The following DARS1 variants were observed in gnomAD, a reference collection of about 807,000 sequenced individuals.
DARS1 encodes the protein aspartate--tRNA ligase, cytoplasmic.
A neutral mutation model predicts 68.8 loss-of-function variants in DARS1; 51 were observed. That is an observed-to-expected ratio of 0.74 (90% CI 0.59 to 0.94). DARS1 has a LOEUF of 0.94. DARS1 is among the 40% of genes least tolerant of loss of function. The probability of loss-of-function intolerance (pLI) is 0.00; values close to 1 mark genes in which losing one functional copy is unlikely to be tolerated. For missense variants in DARS1, 607 were observed against 597.3 expected, an observed-to-expected ratio of 1.02 and a Z score of -0.17; for synonymous variants, 203 against 190.4, an observed-to-expected ratio of 1.07 and a Z score of -0.55.
chr2:135,983,423 GA>G lies in DARS1; in HGVS notation c.97del (p.Ser33GlnfsTer2). On this transcript the variant is annotated frameshift_variant, in exon 2 of 16. Transcript: ENST00000264161. LOFTEE classifies it high-confidence loss of function. The stretch of plus-strand genomic sequence containing the variant: ...TGGTTTTTCTTGTGATTGTATCATT[GA>G]AGATATTCCATATCTCTCTTTAGCA... ...DYAKERYGIS[S>X]MIQSQEKPDR... The G allele has an allele frequency of 8.1e-7, 1 of 1,239,916 alleles. No homozygotes were observed. The highest frequency in any genetic ancestry group is 1.2e-6 in the Non-Finnish European group (1 of 846,168). 76.8% of individuals were successfully genotyped at this position (1,239,916 alleles called of 1,614,324 possible).
intron 5 of DARS1, among the ~76,000 whole-genome samples, chr2:135,939,860 T>C (rs1289617244): frequency 2.0e-5 from 3 of 152,050 alleles, no homozygotes; most frequent in Non-Finnish European, 2.9e-5. Context: ...CAAACTACCA[T>C]CAGAGAATAC....
chr2:135,911,797 T>C (rs141001160), intron 13 of DARS1, among the ~76,000 whole-genome samples: 7 of 152,206 alleles, frequency 4.6e-5, no homozygotes, highest in African/African-American at 1.7e-4. Context: ...AGAATGATAT[T>C]ATTTTGGGGT....
At chr2:135,925,399 A>G (rs537290151) in intron 7 of DARS1, among the ~76,000 whole-genome samples, 158 of 152,350 alleles carry the variant, frequency 1.0e-3, no homozygotes, top group African/African-American at 3.7e-3. Context: ...GTGTCTTCTT[A>G]GTCTCATTAC....
rs745937544 is a variant in DARS1, at chr2:135,922,827, C to T, written c.768G>A (p.Met256Ile). The change falls in exon 9 of 16, where the codon ATG (methionine) becomes ATA (isoleucine). Residue 256 changes from methionine to isoleucine, a missense_variant. Transcript: ENST00000264161. The stretch of plus-strand genomic sequence containing the variant: ...CCTTCTCAAAATCAGCACAAATGCA[C>T]ATTTGCTTATATAGCTGTGGGGACT... ...LAQSPQLYKQ[M>I]CICADFEKVF... The T allele has an allele frequency of 8.8e-6, 14 of 1,589,254 alleles. No homozygotes were observed. Among genetic ancestry groups the T allele is most frequent in the African/African-American group, 1.4e-5 (1 of 73,690 alleles).
chr2:135,973,580 C>T (rs987261155), intron 3 of DARS1, among the ~76,000 whole-genome samples: 1 of 151,858 alleles, frequency 6.6e-6, no homozygotes, highest in Non-Finnish European at 1.5e-5. Context: ...GACTGGGTGT[C>T]GTGGTGGCTC....
rs372676148 is a variant in DARS1 at position 135,964,840 on chromosome 2, CAAA to C, written c.218-3345_218-3343del. Among the ~76,000 whole-genome samples, 113 of 49,626 alleles carry C rather than the reference CAAA, an allele frequency of 2.3e-3. 1 individual carries two copies. The highest frequency in any genetic ancestry group is 8.1e-3 in the African/African-American group (106 of 13,024). The allele number at this position is 49,626 out of a possible 152,430, so 32.6% of individuals were successfully genotyped here. A position where few individuals can be genotyped will look rare whatever the true frequency, so the allele number is the denominator to read the frequency against. ...TGGGTAACAGAGCAAGACTCCACCT[CAAA>C]AAAAAAAAAAAAAAAAAAAAGAAGT... On this transcript the variant is annotated intron_variant, in intron 3 of 15. Transcript: ENST00000264161.
At chr2:135,913,088 T>G (rs992277352) in intron 12 of DARS1, among the ~76,000 whole-genome samples, 4 of 151,888 alleles carry the variant, frequency 2.6e-5, no homozygotes, top group Non-Finnish European at 5.9e-5. Context: ...CTTTCTAATT[T>G]CTCCCCCATT....
intron 4 of DARS1, among the ~76,000 whole-genome samples, chr2:135,955,622 A>T (rs1264960270): frequency 6.7e-6 from 1 of 150,216 alleles, no homozygotes; most frequent in Non-Finnish European, 1.5e-5. Flanking sequence ...AAAATAAATT[A>T]GGTAAGTACT....
chr2:135,954,750 G>A (rs1196215185), intron 4 of DARS1, among the ~76,000 whole-genome samples: 1 of 152,014 alleles, frequency 6.6e-6, no homozygotes, highest in African/African-American at 2.4e-5. Context: ...TATGTGGTAG[G>A]GGATGGGTTT....
intron 3 of DARS1, among the ~76,000 whole-genome samples, chr2:135,969,616 TAAAA>T (rs748237751): frequency 7.2e-6 from 1 of 139,090 alleles, no homozygotes; most frequent in Non-Finnish European, 1.6e-5. Context: ...AGCACTATAC[TAAAA>T]AAAAAAAAGC....
At chr2:135,976,272 G>A (rs1463813919) in intron 3 of DARS1, among the ~76,000 whole-genome samples, 1 of 152,052 alleles carries the variant, frequency 6.6e-6, no homozygotes, top group Non-Finnish European at 1.5e-5. Flanking sequence ...TACACTTTCT[G>A]CTTTATTCTT....
At chr2:135,959,990 C>CT (rs1303105841) in intron 4 of DARS1, among the ~76,000 whole-genome samples, 1 of 152,078 alleles carries the variant, frequency 6.6e-6, no homozygotes, top group Non-Finnish European at 1.5e-5. Context: ...CCAGGACCAT[C>CT]TTTTTTTCTT....
At chr2:135,985,632 G>C, upstream of DARS1, 2 of 1,449,502 alleles carry the variant, frequency 1.4e-6, no homozygotes, top group Non-Finnish European at 1.8e-6. Flanking sequence ...AAGATCGCGA[G>C]AGCTGCGGCT....
chr2:135,963,919 G>A (rs1443564326), intron 3 of DARS1, among the ~76,000 whole-genome samples: 1 of 151,994 alleles, frequency 6.6e-6, no homozygotes, highest in Non-Finnish European at 1.5e-5. Flanking sequence ...GACCCCAGGT[G>A]ATCCACCCGC....
chr2:135,943,431 T>A lies in DARS1; in HGVS notation c.370A>T (p.Asn124Tyr). ...TGTGTACAGCTTCCAATTTTCTGAT[T>A]CACTTTTCTCACAACACCTTCTACA... is the stretch of plus-strand genomic sequence containing the variant. ...VDVEGVVRKV[N>Y]QKIGSCTQQD... Residue 124 changes from asparagine (N) to tyrosine (Y), a missense_variant, in exon 5 of 16, where the codon AAT (asparagine) becomes TAT (tyrosine). Transcript: ENST00000264161. 6.2e-7 allele frequency: 1 copy of A among 1,613,746 alleles called. No homozygotes were observed.
In DARS1 at chr2:135,983,415, G is replaced by T. The variant is rs762996153; in HGVS notation, c.106C>A (p.Gln36Lys). 5 of 1,223,742 alleles carry T rather than the reference G, an allele frequency of 4.1e-6. No homozygotes were observed. In the East Asian group the frequency reaches 7.0e-5, roughly 17 times the overall value. 75.8% of individuals were successfully genotyped at this position (1,223,742 alleles called of 1,614,324 possible). A position where few individuals can be genotyped will look rare whatever the true frequency, so the allele number is the denominator to read the frequency against. The change falls in exon 2 of 16, where the codon CAA (glutamine) becomes AAA (lysine). Residue 36 changes from glutamine to lysine, a missense_variant. Transcript: ENST00000264161. ...TACTAACCTGGTTTTTCTTGTGATTGTATCATTGAAGATATTCCATATCTC... is the reference window on the plus strand; with the variant it reads ...TACTAACCTGGTTTTTCTTGTGATTTTATCATTGAAGATATTCCATATCTC... ...KERYGISSMIQSQEKPDRVLV... is the reference protein window; with the variant it reads ...KERYGISSMIKSQEKPDRVLV...
At chr2:135,950,571 A>G (rs1681819411) in intron 4 of DARS1, among the ~76,000 whole-genome samples, 1 of 152,204 alleles carries the variant, frequency 6.6e-6, no homozygotes, top group Non-Finnish European at 1.5e-5. Context: ...TTGGTGATGT[A>G]CTGTTTTTAA....
chr2:135,975,162 G>A (rs1036405438), intron 3 of DARS1, among the ~76,000 whole-genome samples: 18 of 151,886 alleles, frequency 1.2e-4, no homozygotes, highest in East Asian at 1.9e-4. Flanking sequence ...GGCTAACATA[G>A]TGAAACCCCG....
intron 5 of DARS1, among the ~76,000 whole-genome samples, chr2:135,936,673 G>C (rs1681478609): frequency 6.6e-6 from 1 of 152,110 alleles, no homozygotes; most frequent in Non-Finnish European, 1.5e-5. Flanking sequence ...TTACTCTTTG[G>C]TCAGTTTGTC....
Sources: allele counts gnomAD v4.1 joint callset (sites outside exome capture counted in the v4.1 genomes callset), GRCh38; gene constraint gnomAD v4.1.1; transcripts MANE v1.5; gene names NCBI Gene and HGNC (gene_info 2026-07-23, HGNC 2026-07-21).